The following PTPRD variants were observed in gnomAD, a reference collection of about 807,000 sequenced individuals.
The protein encoded by PTPRD is protein tyrosine phosphatase receptor type D.
PTPRD carries 34 observed loss-of-function variants against 214.5 expected under a neutral mutation model. The observed-to-expected ratio is 0.16, with a 90% CI of 0.12 to 0.21. The LOEUF is 0.21. Among genes scored for constraint, PTPRD ranks in the 10% least tolerant of loss-of-function variants. The probability of loss-of-function intolerance (pLI) is 1.00; values close to 1 mark genes in which losing one functional copy is unlikely to be tolerated. For missense variants in PTPRD, 2,545 were observed against 2,398.7 expected, an observed-to-expected ratio of 1.06 and a Z score of -1.27; for synonymous variants, 1,128 against 845.7, an observed-to-expected ratio of 1.33 and a Z score of -5.79.
chr9:9,506,559 G>C (rs1342835618), intron 8 of PTPRD, among the ~76,000 whole-genome samples: 2 of 151,288 alleles, frequency 1.3e-5, no homozygotes, highest in South Asian at 4.1e-4. Context: ...ATGTCTAGAA[G>C]ATAACAGAAA....
intron 4 of PTPRD, among the ~76,000 whole-genome samples, chr9:9,960,175 A>G (rs1226469928): frequency 6.6e-6 from 1 of 151,686 alleles, no homozygotes; most frequent in Non-Finnish European, 1.5e-5. Context: ...TATTCAAAAA[A>G]TTTTAAAAAT....
chr9:10,541,656 C>A (rs2059141447), intron 2 of PTPRD, among the ~76,000 whole-genome samples: 1 of 151,656 alleles, frequency 6.6e-6, no homozygotes, highest in African/African-American at 2.4e-5. Flanking sequence ...TTTGTCTTGA[C>A]AACTACAATT....
intron 3 of PTPRD, among the ~76,000 whole-genome samples, chr9:10,036,660 C>A (rs747004950): frequency 2.0e-4 from 30 of 151,986 alleles, no homozygotes; most frequent in Non-Finnish European, 3.4e-4. Flanking sequence ...TCTCGGCTCA[C>A]TACAACCTCC....
chr9:9,011,639 T>C (rs545743967), intron 11 of PTPRD, among the ~76,000 whole-genome samples: 1 of 152,334 alleles, frequency 6.6e-6, no homozygotes, highest in South Asian at 2.1e-4. Context: ...ATGCCCATTG[T>C]ACTTCAGTGG....
At chr9:10,443,273 C>G (rs1382423683) in intron 2 of PTPRD, among the ~76,000 whole-genome samples, 1 of 151,452 alleles carries the variant, frequency 6.6e-6, no homozygotes. Flanking sequence ...ATTTTTCTAC[C>G]TTGTGGAACT....
chr9:8,792,074 T>C (rs1055570912), intron 11 of PTPRD, among the ~76,000 whole-genome samples: 5 of 152,166 alleles, frequency 3.3e-5, no homozygotes, highest in African/African-American at 1.2e-4. Flanking sequence ...AAAGCTGAAA[T>C]AGTTCGTTTT....
chr9:9,019,239 A>T (rs1435611283), intron 10 of PTPRD, among the ~76,000 whole-genome samples: 2 of 151,618 alleles, frequency 1.3e-5, no homozygotes, highest in African/African-American at 4.8e-5. Context: ...AGAATCTACC[A>T]GACTATGATA....
At chr9:9,341,424 T>C (rs943711980) in intron 9 of PTPRD, among the ~76,000 whole-genome samples, 2 of 152,134 alleles carry the variant, frequency 1.3e-5, no homozygotes, top group African/African-American at 4.8e-5. Context: ...TCCTCCTTTG[T>C]GAACCCCACT....
chr9:8,503,346 C>T (rs2097458317), intron 23 of PTPRD, among the ~76,000 whole-genome samples: 1 of 152,066 alleles, frequency 6.6e-6, no homozygotes, highest in Admixed American at 6.6e-5. Flanking sequence ...CTACAGATAT[C>T]TATTGTATAA....
At position 9,268,543 on chromosome 9, in the gene PTPRD, T is replaced by C. The variant is rs74849141; in HGVS notation, c.-202-85180A>G. 1.6e-3 allele frequency among the ~76,000 whole-genome samples: 236 copies of C among 151,324 alleles called. 1 individual carries two copies. The highest frequency in any genetic ancestry group is 3.1e-3 in the Non-Finnish European group (209 of 67,460). On this transcript the variant is annotated intron_variant, in intron 9 of 45. Transcript: ENST00000381196. ...AAAATTCATCTGGAATAACAAAGGA[T>C]TCCCAATAGCTGAAGTAAACTTGGT...
intron 14 of PTPRD, 35 bp from the exon 15 acceptor site, chr9:8,528,814 A>T (rs772368301): frequency 1.3e-6 from 2 of 1,595,984 alleles, no homozygotes; most frequent in African/African-American, 2.7e-5. Context: ...CATTCAGTTA[A>T]TAAGTCAGAT....
chr9:9,342,828 T>C (rs764316535), intron 9 of PTPRD, among the ~76,000 whole-genome samples: 1 of 152,082 alleles, frequency 6.6e-6, no homozygotes, highest in Non-Finnish European at 1.5e-5. Flanking sequence ...GTCATCTACA[T>C]TAGGCATTTC....
At chr9:9,109,484 G>C (rs185244983) in intron 10 of PTPRD, among the ~76,000 whole-genome samples, 2 of 152,250 alleles carry the variant, frequency 1.3e-5, no homozygotes, top group East Asian at 3.9e-4. Context: ...CTCAGCAGTA[G>C]TTGTGAGGAT....
intron 2 of PTPRD, among the ~76,000 whole-genome samples, chr9:10,428,328 C>A (rs911846755): frequency 3.9e-5 from 6 of 151,930 alleles, no homozygotes; most frequent in African/African-American, 1.4e-4. Context: ...AATCATATTG[C>A]AGAATTTCTT....
chr9:10,118,987 T>A (rs574201561), intron 3 of PTPRD, among the ~76,000 whole-genome samples: 7 of 151,984 alleles, frequency 4.6e-5, no homozygotes, highest in East Asian at 1.9e-4. Flanking sequence ...ATAATTTGAA[T>A]AATGGTCATT....
intron 2 of PTPRD, among the ~76,000 whole-genome samples, chr9:10,579,899 C>A (rs2071079225): frequency 6.6e-6 from 1 of 151,902 alleles, no homozygotes; most frequent in African/African-American, 2.4e-5. Context: ...CACTTGAATG[C>A]CTTTCTTTTT....
chr9:10,463,322 T>C (rs4474072), intron 2 of PTPRD, among the ~76,000 whole-genome samples: 1 of 151,970 alleles, frequency 6.6e-6, no homozygotes, highest in African/African-American at 2.4e-5. Flanking sequence ...AATATGTATC[T>C]GCTTACCAGA....
At chr9:9,391,473 T>A (rs976791994) in intron 9 of PTPRD, among the ~76,000 whole-genome samples, 2 of 152,196 alleles carry the variant, frequency 1.3e-5, no homozygotes, top group South Asian at 4.1e-4. Flanking sequence ...TAATTATGTA[T>A]GCATGTGCCA....
At chr9:10,418,877 T>C (rs2154514997) in intron 2 of PTPRD, among the ~76,000 whole-genome samples, 1 of 151,978 alleles carries the variant, frequency 6.6e-6, no homozygotes, top group African/African-American at 2.4e-5. Flanking sequence ...GATTTCCTGT[T>C]TCACTTTTAT....
Sources: gnomAD v4.1 joint callset for allele counts (sites outside exome capture counted in the v4.1 genomes callset) on GRCh38, gnomAD v4.1.1 for gene constraint, MANE v1.5 for transcripts, NCBI Gene and HGNC (gene_info 2026-07-23, HGNC 2026-07-21) for gene names.